The following F5 variants were observed in gnomAD, a reference collection of about 807,000 sequenced individuals.
The protein encoded by F5 is coagulation factor V, also known as activated protein c cofactor.
Under a neutral mutation model 216.4 loss-of-function variants are expected in F5, and 138 were observed. The ratio of observed to expected loss-of-function variants is 0.64; its 90% confidence interval spans 0.56 to 0.73. The LOEUF (loss-of-function observed/expected upper bound fraction) is 0.73. F5 is among the 30% of genes least tolerant of loss of function. The pLI is 0.00. For missense variants in F5, 2,403 were observed against 2,674.0 expected (o/e 0.90, Z 2.24); for synonymous variants, 916 against 930.7 (o/e 0.98, Z 0.29).
At position 169,542,234 on chromosome 1, in the gene F5, C is replaced by T; in HGVS notation, c.2856G>A (p.Glu952=). 6.2e-7 allele frequency: 1 copy of T among 1,614,108 alleles called. No individual in the cohort carries two copies. Among genetic ancestry groups the T allele is most frequent in the African/African-American group, 1.3e-5 (1 of 75,018 alleles). Reference sequence around the variant, plus strand: ...CTTGGATTATTTCATAGCTACCTTTCTCAGAAGCCAAATGCCATCTCCCAA... The same window carrying T: ...CTTGGATTATTTCATAGCTACCTTTTTCAGAAGCCAAATGCCATCTCCCAA... ...ILVGRWHLAS[E]KGSYEIIQDT... Residue 952 remains glutamate, a synonymous_variant, in exon 13 of 25, where the codon GAG becomes GAA. Coordinates refer to ENST00000367797, the MANE Select transcript of F5 (RefSeq NM_000130.5).
At chr1:169,577,992 T>C (rs1660902691) in intron 2 of F5, among the ~76,000 whole-genome samples, 1 of 151,958 alleles carries the variant, frequency 6.6e-6, no homozygotes, top group Non-Finnish European at 1.5e-5. Context: ...AGGGGAAAGG[T>C]ACAAATAACA....
intron 8 of F5, 90 bp downstream of exon 8, chr1:169,552,467 T>C: frequency 9.1e-7 from 1 of 1,094,056 alleles, no homozygotes; most frequent in Non-Finnish European, 1.3e-6. Context: ...TATATGAGCA[T>C]CTTTTTCTTT....
intron 1 of F5, among the ~76,000 whole-genome samples, chr1:169,583,089 G>T (rs1661024732): frequency 6.6e-6 from 1 of 152,126 alleles, no homozygotes; most frequent in African/African-American, 2.4e-5. Flanking sequence ...GTTGATAAGT[G>T]GCAGAACCAA....
chr1:169,529,960 C>T, intron 15 of F5, 142 bp from the exon 16 acceptor site: 1 of 678,514 alleles, frequency 1.5e-6, no homozygotes, highest in Non-Finnish European at 2.6e-6. Flanking sequence ...GCATAATAAG[C>T]CTGGATATTT....
chr1:169,528,605 CA>C (rs1659515535), intron 16 of F5, among the ~76,000 whole-genome samples: 1 of 152,120 alleles, frequency 6.6e-6, no homozygotes, highest in East Asian at 1.9e-4. Context: ...GCAACCATAG[CA>C]AGTCATGTTT....
intron 23 of F5, among the ~76,000 whole-genome samples, chr1:169,517,520 G>A (rs1405086218): frequency 2.0e-5 from 3 of 152,082 alleles, no homozygotes; most frequent in Non-Finnish European, 2.9e-5. Flanking sequence ...GGAGATATGA[G>A]GATAGAAATT....
Position 169,586,477 on chromosome 1 carries a change from G to T in F5, c.-91C>A. On this transcript the variant is annotated 5_prime_UTR_variant, in exon 1 of 25. Coordinates refer to ENST00000367797, the MANE Select transcript of F5 (RefSeq NM_000130.5). Reference sequence around the variant, plus strand: ...AACCACACTCCGGGCTGTCCCAGCTGCAATGAGCTCTAGAGGCTGTGGGTG... The same window carrying T: ...AACCACACTCCGGGCTGTCCCAGCTTCAATGAGCTCTAGAGGCTGTGGGTG... 6.6e-7 allele frequency: 1 copy of T among 1,522,486 alleles called. No homozygotes were observed. Among genetic ancestry groups the T allele is most frequent in the Admixed American group, 1.9e-5 (1 of 51,744 alleles). 94.3% of individuals were successfully genotyped at this position (1,522,486 alleles called of 1,614,324 possible).
In F5 at chr1:169,513,485, T is replaced by C. The variant is rs1412814283; in HGVS notation, c.*828A>G. ...AGAGGAAGGCCCTGAAAGAAAACTT[T>C]AACTGCTTGCCAGTTTGGCCAGAGG... is the stretch of plus-strand genomic sequence containing the variant. On this transcript the variant is annotated 3_prime_UTR_variant, in exon 25 of 25. Coordinates refer to ENST00000367797, the MANE Select transcript of F5 (RefSeq NM_000130.5). Among the ~76,000 whole-genome samples, 1 of 152,156 alleles carries C rather than the reference T, an allele frequency of 6.6e-6. No individual in the cohort carries two copies. The highest frequency in any genetic ancestry group is 1.5e-5 in the Non-Finnish European group (1 of 68,018).
rs774943257 is a variant in F5 at position 169,544,501 on chromosome 1, A to G, written c.1770T>C (p.Asn590=). 1.9e-6 allele frequency: 3 copies of G among 1,613,822 alleles called. No individual in the cohort carries two copies. In the Admixed American group the frequency reaches 5.0e-5, roughly 27 times the overall value. Reference sequence around the variant, plus strand: ...TAGTTATGCTCTCAGGCACATAGCCATTGATAGCTGAAAGTGTAAAATCTG... The same window carrying G: ...TAGTTATGCTCTCAGGCACATAGCCGTTGATAGCTGAAAGTGTAAAATCTG... ...FYESNIMSTI[N]GYVPESITTL... is the part of the protein sequence containing the mutation. The change falls in exon 12 of 25, where the codon AAT becomes AAC. Residue 590 remains asparagine, a synonymous_variant. Transcript: ENST00000367797.
intron 21 of F5, 23 bp from the exon 22 acceptor site, chr1:169,520,687 A>T: frequency 6.2e-7 from 1 of 1,601,842 alleles, no homozygotes; most frequent in South Asian, 1.1e-5. Context: ...AGGAAAGTTT[A>T]GTTATGTAAC....
chr1:169,565,930 A>G (rs907147712), intron 3 of F5, among the ~76,000 whole-genome samples: 53 of 152,230 alleles, frequency 3.5e-4, no homozygotes, highest in African/African-American at 1.2e-3. Context: ...CTGAGAAATG[A>G]TAAAAGCTTA....
chr1:169,515,476 G>A lies in F5; in HGVS notation c.6496C>T (p.Pro2166Ser). Residue 2166 changes from proline to serine, a missense_variant, in exon 24 of 25, where the codon CCA becomes TCA. By Grantham distance (74) the Pro-to-Ser change is moderately conservative. Around this residue, in one of 4 missense-constraint regions of F5, gnomAD observed 659 missense variants for 787.9 expected, o/e 0.84. Transcript: ENST00000367797. ...HYSEQGVEWK[P>S]YRLKSSMVDK... ...ACCATGGAGGATTTCAGCCTGTATGGTTTCCATTCCACTCCCTGCTCACTG... is the reference window on the plus strand; with the variant it reads ...ACCATGGAGGATTTCAGCCTGTATGATTTCCATTCCACTCCCTGCTCACTG... The A allele has an allele frequency of 6.2e-7, 1 of 1,613,426 alleles. No individual in the cohort carries two copies. Among genetic ancestry groups the A allele is most frequent in the Non-Finnish European group, 8.5e-7 (1 of 1,179,616 alleles).
In F5 at chr1:169,529,652, C is replaced by T. The variant is rs529951053; in HGVS notation, c.5375G>A (p.Trp1792Ter). 3.1e-6 allele frequency: 5 copies of T among 1,613,788 alleles called. No individual in the cohort carries two copies. The highest frequency in any genetic ancestry group is 1.1e-5 in the South Asian group (1 of 91,072). ...WYYEKKSRSS[W>*]RLTSSEMKKS... ...TTTCATTTCTGAGGATGTGAGTCTC[C>T]AAGAACTTCGGGACTTCTTTTCATA... Residue 1792 changes from tryptophan (W) to a stop codon, truncating the protein, a stop_gained, in exon 16 of 25, where the codon TGG becomes TAG. Coordinates refer to ENST00000367797, the MANE Select transcript of F5 (RefSeq NM_000130.5). LOFTEE classifies it high-confidence loss of function.
At position 169,540,884 on chromosome 1, in the gene F5, A is replaced by T. The variant is rs1000795415; in HGVS notation, c.4206T>A (p.Leu1402=). Residue 1402 remains leucine (L), a synonymous_variant, in exon 13 of 25, where the codon CTT becomes CTA. Transcript: ENST00000367797. ...GTGTCATCTGGTCGAGGTCTGGGGT[A>T]AGGGGAATTTGACTGAGATCTGCAA... ...PLFADLSQIP[L]TPDLDQMTLS... 6.2e-7 allele frequency: 1 copy of T among 1,611,366 alleles called. No homozygotes were observed. Among genetic ancestry groups the T allele is most frequent in the African/African-American group, 1.3e-5 (1 of 74,990 alleles).
intron 1 of F5, among the ~76,000 whole-genome samples, chr1:169,585,503 T>A (rs928928762): frequency 1.3e-5 from 2 of 152,172 alleles, no homozygotes; most frequent in African/African-American, 4.8e-5. Context: ...AACATTTCAA[T>A]TAGAAAAAAT....
chr1:169,558,195 T>C (rs953712382), intron 5 of F5, among the ~76,000 whole-genome samples: 1 of 151,614 alleles, frequency 6.6e-6, no homozygotes, highest in African/African-American at 2.4e-5. Context: ...CCACAGAAGG[T>C]AGTCTGATAA....
chr1:169,531,000 G>A lies in F5; in HGVS notation c.4994C>T (p.Ser1665Phe). ...VIQVRFKNLASRPYSLHAHGL... is the reference protein window; with the variant it reads ...VIQVRFKNLAFRPYSLHAHGL... ...ATGGGCATGTAGAGAATACGGTCTG[G>A]ATGCTAAATTTTTAAAACGAACCTA... The change falls in exon 15 of 25, where the codon TCC becomes TTC. Residue 1665 changes from serine to phenylalanine, a missense_variant. Ser to Phe is a radical substitution (Grantham distance 155, BLOSUM62 -2). This residue lies in a region of F5 where 659 missense variants were observed against 787.9 expected (regional missense o/e 0.84). Coordinates refer to ENST00000367797, the MANE Select transcript of F5 (RefSeq NM_000130.5). The A allele has an allele frequency of 6.2e-7, 1 of 1,613,128 alleles. No homozygotes were observed. Among genetic ancestry groups the A allele is most frequent in the Non-Finnish European group, 8.5e-7 (1 of 1,179,696 alleles).
rs548670901 is a variant in F5, at chr1:169,581,935, C to T, written c.250+496G>A. 1.3e-3 allele frequency among the ~76,000 whole-genome samples: 193 copies of T among 152,178 alleles called. 3 individuals carry two copies. The South Asian group carries it at 0.038, about 30-fold the overall frequency. On this transcript the variant is annotated intron_variant, in intron 2 of 24. Transcript: ENST00000367797. The stretch of plus-strand genomic sequence containing the variant: ...CAAATGGAAGCAAAATATCATTTTG[C>T]GAAGGCACATCTATGCTCATTAAAC...
At chr1:169,525,023 C>T in intron 18 of F5, 115 bp from the exon 19 acceptor site, 1 of 810,412 alleles carries the variant, frequency 1.2e-6, no homozygotes. Flanking sequence ...TTTTTACCTA[C>T]CTTGTGTGGC....
Sources: gnomAD v4.1 joint callset for allele counts (sites outside exome capture counted in the v4.1 genomes callset) on GRCh38, gnomAD v4.1.1 for gene constraint, gnomAD v4.1.1 regional missense constraint, MANE v1.5 for transcripts, NCBI Gene and HGNC (gene_info 2026-07-23, HGNC 2026-07-21) for gene names.